Variants in PRKN observed in about 807,000 individuals in gnomAD.
PRKN encodes E3 ubiquitin-protein ligase parkin.
PRKN carries 56 observed loss-of-function variants against 59.5 expected under a neutral mutation model. That is an observed-to-expected ratio of 0.94 (90% CI 0.76 to 1.18). The LOEUF (loss-of-function observed/expected upper bound fraction) is 1.18, where lower values mean the gene tolerates loss of function less well. Ranked by LOEUF, PRKN falls within the 50% of genes most tolerant of loss-of-function variation. The pLI, the probability that PRKN is intolerant of heterozygous loss-of-function variation, is 0.00. For missense variants in PRKN, 657 were observed against 596.4 expected, an observed-to-expected ratio of 1.10 and a Z score of -1.06; for synonymous variants, 250 against 222.1, an observed-to-expected ratio of 1.13 and a Z score of -1.12.
chr6:161,653,194 C>A (rs1011966803), intron 7 of PRKN, among the ~76,000 whole-genome samples: 3 of 151,114 alleles, frequency 2.0e-5, no homozygotes, highest in African/African-American at 7.3e-5. Flanking sequence ...AACCCCGTCT[C>A]TATTAAAAAT....
chr6:161,556,845 A>G (rs1780257210), intron 8 of PRKN, among the ~76,000 whole-genome samples: 1 of 152,158 alleles, frequency 6.6e-6, no homozygotes, highest in African/African-American at 2.4e-5. Flanking sequence ...AAAATCACTC[A>G]TGCATGTTTT....
At chr6:161,619,341 C>A (rs1309988510) in intron 7 of PRKN, among the ~76,000 whole-genome samples, 2 of 58,696 alleles carry the variant, frequency 3.4e-5, no homozygotes, top group South Asian at 9.4e-4. Context: ...TTTTTTTTTT[C>A]TTCTCCTTAC....
intron 1 of PRKN, among the ~76,000 whole-genome samples, chr6:162,524,893 A>C (rs910925821): frequency 6.6e-6 from 1 of 152,168 alleles, no homozygotes; most frequent in African/African-American, 2.4e-5. Flanking sequence ...ATAAGACTGA[A>C]GTCAAAACTA....
chr6:161,642,890 G>A (rs1225835567), intron 7 of PRKN, among the ~76,000 whole-genome samples: 3 of 152,126 alleles, frequency 2.0e-5, no homozygotes, highest in Non-Finnish European at 4.4e-5. Context: ...TCTTTTAATG[G>A]AAGATCAAAG....
At chr6:161,787,254 T>C (rs1044333886) in intron 6 of PRKN, among the ~76,000 whole-genome samples, 15 of 152,206 alleles carry the variant, frequency 9.9e-5, no homozygotes, top group Non-Finnish European at 1.5e-5. Context: ...AAGCAATATG[T>C]AATACAAACA....
At chr6:162,512,030 G>A (rs1000845806) in intron 1 of PRKN, among the ~76,000 whole-genome samples, 1 of 152,136 alleles carries the variant, frequency 6.6e-6, no homozygotes. Flanking sequence ...GCACAGAAAG[G>A]TTGATGAAAA....
intron 3 of PRKN, among the ~76,000 whole-genome samples, chr6:162,207,533 T>C (rs138166807): frequency 2.6e-5 from 4 of 152,258 alleles, no homozygotes; most frequent in African/African-American, 9.6e-5. Context: ...GGAAAGGTCA[T>C]GCAGCCAACC....
chr6:162,321,093 C>A (rs1783002294), intron 2 of PRKN, among the ~76,000 whole-genome samples: 1 of 151,746 alleles, frequency 6.6e-6, no homozygotes, highest in African/African-American at 2.4e-5. Flanking sequence ...CAACTTTGTT[C>A]TTTTTGTTGA....
chr6:161,697,598 G>GT (rs1196639235), intron 7 of PRKN, among the ~76,000 whole-genome samples: 1 of 152,244 alleles, frequency 6.6e-6, no homozygotes, highest in South Asian at 2.1e-4. Flanking sequence ...ATGTAAAACA[G>GT]TATTCTTTCT....
chr6:162,369,712 C>T (rs563156486), intron 2 of PRKN, among the ~76,000 whole-genome samples: 11 of 152,266 alleles, frequency 7.2e-5, no homozygotes, highest in African/African-American at 2.6e-4. Flanking sequence ...AAATTAGCAT[C>T]CACGGATAGG....
intron 1 of PRKN, among the ~76,000 whole-genome samples, chr6:162,650,349 G>A (rs1778371230): frequency 6.6e-6 from 1 of 151,970 alleles, no homozygotes. Context: ...TGTAATCCCA[G>A]CACTTTGGGA....
rs143597869 is a variant in PRKN at position 162,421,183 on chromosome 6, G to A, written c.171+22127C>T. ...CTTACTTGGAAATCTTATTATGCAC[G>A]ATGTTTATCAATAACCCTCCATCAG... On this transcript the variant is annotated intron_variant, in intron 2 of 11. Transcript: ENST00000366898. 1.2e-3 allele frequency among the ~76,000 whole-genome samples: 188 copies of A among 152,266 alleles called. 1 individual carries two copies. Among genetic ancestry groups the A allele is most frequent in the Non-Finnish European group, 2.2e-3 (150 of 68,032 alleles).
chr6:162,659,275 A>G (rs1490410957), intron 1 of PRKN, among the ~76,000 whole-genome samples: 1 of 151,788 alleles, frequency 6.6e-6, no homozygotes, highest in Non-Finnish European at 1.5e-5. Context: ...CCAGCTTTGG[A>G]TTTTTAAGGT....
chr6:162,203,081 A>G (rs1049244470), intron 3 of PRKN, among the ~76,000 whole-genome samples: 17 of 152,322 alleles, frequency 1.1e-4, no homozygotes, highest in African/African-American at 3.8e-4. Context: ...CAAGAGTTTT[A>G]CAATATTAAA....
At position 161,785,755 on chromosome 6, in the gene PRKN, A is replaced by G; in HGVS notation, c.871+17T>C. ...TTCATTAGCATTAGAGATGGAGAGA[A>G]AACATGCTAGACTTACCCACACAAG... On this transcript the variant is annotated intron_variant, in intron 7 of 11. Coordinates refer to ENST00000366898, the MANE Select transcript of PRKN (RefSeq NM_004562.3). 1.2e-6 allele frequency: 2 copies of G among 1,613,292 alleles called. No homozygotes were observed. The highest frequency in any genetic ancestry group is 1.7e-6 in the Non-Finnish European group (2 of 1,179,476).
intron 1 of PRKN, among the ~76,000 whole-genome samples, chr6:162,457,079 A>G (rs536655122): frequency 6.6e-6 from 1 of 152,332 alleles, no homozygotes; most frequent in African/African-American, 2.4e-5. Flanking sequence ...ATGCTTATTG[A>G]GCAACTCAAA....
rs568662645 is a variant in PRKN, at chr6:161,483,247, T to A, written c.1083+65607A>T. ...TGCTTAGAGTTAGGTGAAATAGAGA[T>A]AACTATTTTCATAGCTATGCATTAA... is the stretch of plus-strand genomic sequence containing the variant. On this transcript the variant is annotated intron_variant, in intron 9 of 11. Coordinates refer to ENST00000366898, the MANE Select transcript of PRKN (RefSeq NM_004562.3). The surrounding 1 kb of genome is among the most constrained non-coding windows in gnomAD (Gnocchi z 5.0). Among the ~76,000 whole-genome samples the A allele has an allele frequency of 6.6e-6, 1 of 151,952 alleles. No individual in the cohort carries two copies. Among genetic ancestry groups the A allele is most frequent in the East Asian group, 1.9e-4 (1 of 5,170 alleles).
chr6:161,432,532 A>ATT (rs767620173), intron 9 of PRKN, among the ~76,000 whole-genome samples: 60 of 125,486 alleles, frequency 4.8e-4, no homozygotes, highest in African/African-American at 6.9e-4. Context: ...TGCCCAGCTA[A>ATT]TTTTTTTTTT....
chr6:161,865,552 G>C (rs1366434570), intron 6 of PRKN, among the ~76,000 whole-genome samples: 1 of 152,196 alleles, frequency 6.6e-6, no homozygotes, highest in Non-Finnish European at 1.5e-5. Context: ...ATTTAAGCTA[G>C]ATCTTCTGGA....
Sources: gnomAD v4.1 joint callset for allele counts (sites outside exome capture counted in the v4.1 genomes callset) on GRCh38, gnomAD v4.1.1 for gene constraint, Gnocchi (gnomAD v3.1) non-coding constraint, MANE v1.5 for transcripts, NCBI Gene and HGNC (gene_info 2026-07-23, HGNC 2026-07-21) for gene names.